The following CTNND2 variants were observed in gnomAD, a reference collection of about 807,000 sequenced individuals.
CTNND2 encodes catenin delta 2.
CTNND2 carries 22 observed loss-of-function variants against 144.4 expected under a neutral mutation model. The ratio of observed to expected loss-of-function variants is 0.15; its 90% CI spans 0.11 to 0.22. CTNND2 has a LOEUF of 0.22. Ranked by LOEUF, CTNND2 falls within the 10% of genes least tolerant of loss-of-function variation. CTNND2 has a pLI of 1.00. For missense variants in CTNND2, 1,353 were observed against 1,618.8 expected, an observed-to-expected ratio of 0.84 and a Z score of 2.82; for synonymous variants, 751 against 695.6, an observed-to-expected ratio of 1.08 and a Z score of -1.25.
intron 1 of CTNND2, among the ~76,000 whole-genome samples, chr5:11,887,817 A>G (rs1736667513): frequency 2.0e-5 from 3 of 152,064 alleles, no homozygotes; most frequent in Admixed American, 2.0e-4. Flanking sequence ...GATGCCTTTG[A>G]CAGTTCTGAG....
At chr5:11,320,487 C>T (rs1486692365) in intron 9 of CTNND2, among the ~76,000 whole-genome samples, 1 of 152,142 alleles carries the variant, frequency 6.6e-6, no homozygotes, top group African/African-American at 2.4e-5. Flanking sequence ...TTGTATTAGT[C>T]CATTTTCATG....
chr5:11,892,375 A>C (rs1737041949), intron 1 of CTNND2, among the ~76,000 whole-genome samples: 1 of 152,204 alleles, frequency 6.6e-6, no homozygotes, highest in Admixed American at 6.5e-5. Context: ...ATCTATCTTC[A>C]AAGCTATGCT....
intron 11 of CTNND2, among the ~76,000 whole-genome samples, chr5:11,193,090 G>A (rs980092614): frequency 5.9e-5 from 9 of 152,142 alleles, no homozygotes; most frequent in African/African-American, 2.2e-4. Flanking sequence ...TCCAGCGTGA[G>A]GCAGCCCCGA....
chr5:11,315,304 A>G (rs1273405534), intron 9 of CTNND2, among the ~76,000 whole-genome samples: 1 of 152,212 alleles, frequency 6.6e-6, no homozygotes, highest in Non-Finnish European at 1.5e-5. Flanking sequence ...TAAAGGTGAT[A>G]CAGTCTTAGA....
chr5:11,502,658 C>A (rs556074379), intron 3 of CTNND2, among the ~76,000 whole-genome samples: 1 of 152,240 alleles, frequency 6.6e-6, no homozygotes, highest in Non-Finnish European at 1.5e-5. Context: ...ACAATCACCA[C>A]AAAGAATCCG....
intron 9 of CTNND2, among the ~76,000 whole-genome samples, chr5:11,291,639 T>TA (rs1748361631): frequency 6.6e-6 from 1 of 152,222 alleles, no homozygotes; most frequent in East Asian, 1.9e-4. Context: ...GGTACCGCCC[T>TA]ATCTCCCCAG....
intron 6 of CTNND2, among the ~76,000 whole-genome samples, chr5:11,392,192 C>T (rs1433921709): frequency 6.6e-6 from 1 of 152,120 alleles, no homozygotes; most frequent in Non-Finnish European, 1.5e-5. Flanking sequence ...AACATGGTGA[C>T]GTAGATTTTT....
chr5:11,764,625 C>T (rs1212435870), intron 1 of CTNND2, among the ~76,000 whole-genome samples: 2 of 152,138 alleles, frequency 1.3e-5, no homozygotes, highest in Non-Finnish European at 2.9e-5. Context: ...ATGGTTCCAA[C>T]ATGTGACTTT....
chr5:11,538,017 A>G (rs1774381484), intron 3 of CTNND2, among the ~76,000 whole-genome samples: 1 of 152,150 alleles, frequency 6.6e-6, no homozygotes, highest in African/African-American at 2.4e-5. Flanking sequence ...TGGTAGATTC[A>G]CCATGGACTC....
At chr5:11,391,440 A>G (rs918060695) in intron 6 of CTNND2, among the ~76,000 whole-genome samples, 4 of 152,184 alleles carry the variant, frequency 2.6e-5, no homozygotes, top group Non-Finnish European at 5.9e-5. Context: ...TACTATATGA[A>G]ATGTTCCTAT....
intron 16 of CTNND2, among the ~76,000 whole-genome samples, chr5:11,068,064 A>AT (rs1304431311): frequency 2.0e-5 from 3 of 152,208 alleles, no homozygotes; most frequent in Non-Finnish European, 2.9e-5. Flanking sequence ...TCTGGAACAA[A>AT]TTTTTTTGTC....
chr5:11,719,375 A>G (rs1786532677), intron 2 of CTNND2, among the ~76,000 whole-genome samples: 1 of 152,180 alleles, frequency 6.6e-6, no homozygotes, highest in South Asian at 2.1e-4. Flanking sequence ...AGTAGTACTG[A>G]GTGACTTTCC....
At chr5:11,855,376 T>C (rs1320579188) in intron 1 of CTNND2, among the ~76,000 whole-genome samples, 2 of 152,094 alleles carry the variant, frequency 1.3e-5, no homozygotes, top group African/African-American at 2.4e-5. Context: ...AGACCAATTG[T>C]AGGATTAGCA....
At chr5:11,756,036 T>C (rs1249015227) in intron 1 of CTNND2, among the ~76,000 whole-genome samples, 2 of 151,676 alleles carry the variant, frequency 1.3e-5, no homozygotes, top group Admixed American at 6.6e-5. Flanking sequence ...GTTATCCGAG[T>C]TCTTGTTGTG....
At chr5:11,153,300 C>T (rs1044046223) in intron 12 of CTNND2, among the ~76,000 whole-genome samples, 7 of 152,176 alleles carry the variant, frequency 4.6e-5, no homozygotes, top group African/African-American at 1.4e-4. Flanking sequence ...TCAGCTGACA[C>T]ATGCCCCTCA....
intron 1 of CTNND2, among the ~76,000 whole-genome samples, chr5:11,840,687 A>C (rs1184997804): frequency 6.6e-6 from 1 of 152,164 alleles, no homozygotes; most frequent in Non-Finnish European, 1.5e-5. Flanking sequence ...GTTTAGAGTA[A>C]AATAAAGTCT....
At chr5:11,637,736 A>AT (rs1252530126) in intron 2 of CTNND2, among the ~76,000 whole-genome samples, 1 of 152,242 alleles carries the variant, frequency 6.6e-6, no homozygotes, top group East Asian at 1.9e-4. Context: ...AAATACATAC[A>AT]TTTATGTTTT....
At chr5:11,438,384 C>T (rs1464949983) in intron 3 of CTNND2, among the ~76,000 whole-genome samples, 2 of 152,056 alleles carry the variant, frequency 1.3e-5, no homozygotes, top group Non-Finnish European at 2.9e-5. Context: ...ATAGAATCAA[C>T]GTGGGTGAAA....
intron 2 of CTNND2, among the ~76,000 whole-genome samples, chr5:11,613,355 GCTT>G (rs1363434303): frequency 6.6e-6 from 1 of 152,122 alleles, no homozygotes; most frequent in African/African-American, 2.4e-5. Context: ...TTTTTAAAGT[GCTT>G]CTTATTAAAA....
Sources: allele counts gnomAD v4.1 joint callset (sites outside exome capture counted in the v4.1 genomes callset), GRCh38; gene constraint gnomAD v4.1.1; transcripts MANE v1.5; gene names NCBI Gene and HGNC (gene_info 2026-07-23, HGNC 2026-07-21).